Variants in SEC23A observed in about 807,000 individuals in gnomAD.
The protein encoded by SEC23A is SEC23 homolog A, COPII component.
In SEC23A, 56 loss-of-function variants were observed where a neutral mutation model predicts 103.7. That is an observed-to-expected ratio of 0.54 (90% confidence interval 0.44 to 0.67). SEC23A has a LOEUF of 0.67. SEC23A is among the 30% of genes least tolerant of loss of function. The pLI, the probability that SEC23A is intolerant of heterozygous loss-of-function variation, is 0.00. For synonymous variants in SEC23A, 281 were observed against 293.0 expected, an observed-to-expected ratio of 0.96 and a Z score of 0.42; for missense variants, 784 against 936.4, an observed-to-expected ratio of 0.84 and a Z score of 2.12.
intron 1 of SEC23A, among the ~76,000 whole-genome samples, chr14:39,101,335 C>T (rs753969087): frequency 6.6e-6 from 1 of 151,862 alleles, no homozygotes; most frequent in Admixed American, 6.6e-5. Context: ...GTAAGACTTC[C>T]CTGGCCGGGC....
At chr14:39,093,611 A>G (rs1207068834) in intron 2 of SEC23A, among the ~76,000 whole-genome samples, 1 of 152,052 alleles carries the variant, frequency 6.6e-6, no homozygotes, top group East Asian at 1.9e-4. Context: ...AATACAAAGA[A>G]TCATCCAGGC....
intron 13 of SEC23A, among the ~76,000 whole-genome samples, chr14:39,061,550 G>A (rs1449534389): frequency 6.6e-6 from 1 of 152,060 alleles, no homozygotes; most frequent in African/African-American, 2.4e-5. Context: ...ATTTTGAAGG[G>A]TGTGTCTTAG....
At chr14:39,095,504 G>A (rs1353734025) in intron 2 of SEC23A, among the ~76,000 whole-genome samples, 1 of 152,022 alleles carries the variant, frequency 6.6e-6, no homozygotes, top group African/African-American at 2.4e-5. Flanking sequence ...CACCATGTTC[G>A]TCAGGCTGGT....
intron 2 of SEC23A, among the ~76,000 whole-genome samples, chr14:39,094,022 A>C (rs1434294422): frequency 1.3e-5 from 2 of 151,388 alleles, no homozygotes; most frequent in Admixed American, 6.6e-5. Flanking sequence ...ACAAGAAAAT[A>C]CTTTTGGTGT....
intron 5 of SEC23A, chr14:39,088,758 G>C (rs868364260): frequency 6.6e-6 from 1 of 151,782 alleles, no homozygotes; most frequent in Admixed American, 6.6e-5. Context: ...AACTAGGCCG[G>C]CCTCAGTGGC....
intron 9 of SEC23A, among the ~76,000 whole-genome samples, chr14:39,067,639 T>C (rs1053865114): frequency 4.6e-5 from 7 of 150,644 alleles, no homozygotes; most frequent in African/African-American, 1.5e-4. Flanking sequence ...TTGGTAAAGG[T>C]ACCTGACAGT....
At chr14:39,070,120 C>T (rs1211489438) in intron 9 of SEC23A, among the ~76,000 whole-genome samples, 1 of 152,166 alleles carries the variant, frequency 6.6e-6, no homozygotes, top group Non-Finnish European at 1.5e-5. Context: ...ATATCCATTG[C>T]GAAATTATAC....
Position 39,049,039 on chromosome 14 carries a change from C to T in SEC23A, c.1660-310G>A, listed in dbSNP as rs1594442052. Among the ~76,000 whole-genome samples, 3 of 152,146 alleles carry T rather than the reference C, an allele frequency of 2.0e-5. No individual in the cohort carries two copies. The South Asian group carries it at 6.2e-4, about 32-fold the overall frequency. ...TAGATAACAACAAAAAAGCTCAACA[C>T]GTGCCTTAAAACACCAAAAAGGCTG... On this transcript the variant is annotated intron_variant, in intron 14 of 19. Transcript: ENST00000307712.
chr14:39,071,722 T>C (rs1332895238), intron 9 of SEC23A, among the ~76,000 whole-genome samples: 2 of 148,580 alleles, frequency 1.3e-5, no homozygotes, highest in East Asian at 2.0e-4. Flanking sequence ...AACAAATTAG[T>C]TGGGCGTGGT....
chr14:39,063,233 G>A, intron 12 of SEC23A, 91 bp downstream of exon 12: 1 of 781,210 alleles, frequency 1.3e-6, no homozygotes, highest in South Asian at 1.5e-5. Context: ...ATCTACTATA[G>A]GAAAAAAAAT....
chr14:39,039,324 T>C (rs1885560791), intron 18 of SEC23A: 1 of 496,918 alleles, frequency 2.0e-6, no homozygotes, highest in Non-Finnish European at 3.5e-6. Context: ...AAATAACAAA[T>C]ACATTGTTGA....
chr14:39,049,959 G>A (rs746937541), intron 14 of SEC23A, among the ~76,000 whole-genome samples: 2 of 151,760 alleles, frequency 1.3e-5, no homozygotes, highest in African/African-American at 4.8e-5. Context: ...TATTAGAGAC[G>A]GGGTTTCACT....
chr14:39,063,368 T>G lies in SEC23A; in HGVS notation c.1354A>C (p.Ser452Arg). 1 of 1,612,554 alleles carries G rather than the reference T, an allele frequency of 6.2e-7. No individual in the cohort carries two copies. Among genetic ancestry groups the G allele is most frequent in the Non-Finnish European group, 8.5e-7 (1 of 1,178,748 alleles). ...GTCQWKICGL[S>R]PTTTLAIYFE... The stretch of plus-strand genomic sequence containing the variant: ...TATATGGCTAAGGTTGTAGTGGGAC[T>G]AAGTCCACATATCTTCCACTGACAT... The change falls in exon 12 of 20, where the codon AGT becomes CGT. Residue 452 changes from serine to arginine, a missense_variant. This residue lies in a region of SEC23A where 683 missense variants were observed against 774.2 expected (regional missense o/e 0.88). Transcript: ENST00000307712.
intron 15 of SEC23A, among the ~76,000 whole-genome samples, chr14:39,046,985 A>C (rs1192250845): frequency 5.9e-5 from 9 of 152,204 alleles, no homozygotes; most frequent in Non-Finnish European, 1.3e-4. Flanking sequence ...AGGATCCATA[A>C]TTCATTGAGA....
chr14:39,040,947 G>C, intron 17 of SEC23A, 60 bp from the exon 18 acceptor site: 1 of 1,527,922 alleles, frequency 6.5e-7, no homozygotes, highest in Non-Finnish European at 8.8e-7. Context: ...AAAATCTTGA[G>C]ATTTTTCCAA....
At chr14:39,034,019 A>T (rs935093549) in intron 19 of SEC23A, among the ~76,000 whole-genome samples, 1 of 152,226 alleles carries the variant, frequency 6.6e-6, no homozygotes, top group Admixed American at 6.5e-5. Context: ...TCAGCAAATT[A>T]TTGGCAAATG....
At chr14:39,076,132 T>C in intron 7 of SEC23A, 39 bp from the exon 8 acceptor site, 2 of 1,406,530 alleles carry the variant, frequency 1.4e-6, no homozygotes, top group Non-Finnish European at 2.0e-6. Flanking sequence ...AGAAAACATA[T>C]GAATATACAT....
At chr14:39,042,987 A>AT in intron 16 of SEC23A, 115 bp from the exon 17 acceptor site, 2 of 707,612 alleles carry the variant, frequency 2.8e-6, no homozygotes, top group Non-Finnish European at 4.7e-6. Flanking sequence ...TTATTTATTT[A>AT]TTTTTTTGGA....
At chr14:39,070,802 G>A (rs1417878767) in intron 9 of SEC23A, among the ~76,000 whole-genome samples, 7 of 152,170 alleles carry the variant, frequency 4.6e-5, no homozygotes, top group Non-Finnish European at 7.3e-5. Flanking sequence ...CATGGCAGGT[G>A]GATCACCTGA....
Sources: allele counts gnomAD v4.1 joint callset (sites outside exome capture counted in the v4.1 genomes callset), GRCh38; gene constraint gnomAD v4.1.1; regional missense constraint gnomAD v4.1.1; transcripts MANE v1.5; gene names NCBI Gene and HGNC (gene_info 2026-07-23, HGNC 2026-07-21).